SORCS3: variants seen among roughly 807,000 people sequenced by gnomAD.
SORCS3 encodes the protein sortilin related VPS10 domain containing receptor 3, also known as VPS10 domain-containing receptor SorCS3.
SORCS3 carries 57 observed loss-of-function variants against 146.3 expected under a neutral mutation model. The ratio of observed to expected loss-of-function variants is 0.39; its 90% confidence interval spans 0.31 to 0.49. The LOEUF (loss-of-function observed/expected upper bound fraction) is 0.49. Among genes scored for constraint, SORCS3 ranks in the 20% least tolerant of loss-of-function variants. The pLI is 0.92. For missense variants in SORCS3, 1,341 were observed against 1,575.5 expected (o/e 0.85, Z 2.52); for synonymous variants, 653 against 618.5 (o/e 1.06, Z -0.83).
intron 7 of SORCS3, among the ~76,000 whole-genome samples, chr10:105,128,726 A>G (rs2055993956): frequency 6.6e-6 from 1 of 152,168 alleles, no homozygotes; most frequent in Non-Finnish European, 1.5e-5. Context: ...CGCAATCATT[A>G]GGATGGGAAT....
At chr10:105,026,448 A>T (rs770516592) in intron 4 of SORCS3, among the ~76,000 whole-genome samples, 3 of 152,238 alleles carry the variant, frequency 2.0e-5, no homozygotes, top group Non-Finnish European at 2.9e-5. Flanking sequence ...AAATGGAATC[A>T]TCATTCAACC....
At chr10:105,114,381 A>T (rs532950183) in intron 7 of SORCS3, among the ~76,000 whole-genome samples, 3 of 152,220 alleles carry the variant, frequency 2.0e-5, no homozygotes, top group Admixed American at 6.5e-5. Flanking sequence ...AGGGACGGTC[A>T]TCTTGCCTCT....
intron 6 of SORCS3, among the ~76,000 whole-genome samples, chr10:105,098,389 A>G (rs1351630263): frequency 6.6e-6 from 1 of 152,234 alleles, no homozygotes; most frequent in African/African-American, 2.4e-5. Context: ...ATTACATTCC[A>G]AAAGGTATCA....
intron 1 of SORCS3, among the ~76,000 whole-genome samples, chr10:104,770,213 G>C (rs1285289031): frequency 1.3e-5 from 2 of 152,174 alleles, no homozygotes; most frequent in African/African-American, 4.8e-5. Context: ...GAGATTGGGA[G>C]CCCTGTCCAC....
chr10:105,216,119 A>G (rs2056663582), intron 18 of SORCS3, among the ~76,000 whole-genome samples: 1 of 152,122 alleles, frequency 6.6e-6, no homozygotes, highest in Admixed American at 6.5e-5. Context: ...AGCTCTTTCC[A>G]AGAGACAGAG....
intron 2 of SORCS3, among the ~76,000 whole-genome samples, chr10:104,857,155 G>C (rs571052487): frequency 9.2e-4 from 139 of 150,722 alleles, no homozygotes; most frequent in African/African-American, 3.2e-3. Flanking sequence ...AGAATGTTCA[G>C]GGAAAATCTG....
intron 3 of SORCS3, among the ~76,000 whole-genome samples, chr10:104,969,732 C>T (rs530980719): frequency 6.6e-6 from 1 of 152,164 alleles, no homozygotes; most frequent in South Asian, 2.1e-4. Context: ...ATATAAATTT[C>T]TTTATGTGTG....
At chr10:105,245,812 C>T (rs72819920) in intron 21 of SORCS3, 147 bp downstream of exon 21, 84,977 of 908,054 alleles carry the variant, frequency 0.094, 4,967 homozygotes, top group Admixed American at 0.18. Context: ...AACCTACCTC[C>T]GACCTAGAGA....
intron 1 of SORCS3, chr10:104,664,606 G>A (rs1187381433): frequency 6.6e-6 from 1 of 152,160 alleles, no homozygotes; most frequent in East Asian, 1.9e-4. Flanking sequence ...AGTCATCAAA[G>A]CTTACTTTTA....
At chr10:105,243,356 CAG>C (rs1009294720) in intron 20 of SORCS3, among the ~76,000 whole-genome samples, 6 of 152,020 alleles carry the variant, frequency 3.9e-5, no homozygotes, top group Admixed American at 6.6e-5. Flanking sequence ...CAAACAGTAA[CAG>C]AGTGAGTTTC....
At chr10:104,970,398 C>T (rs1306942530) in intron 3 of SORCS3, among the ~76,000 whole-genome samples, 2 of 152,160 alleles carry the variant, frequency 1.3e-5, no homozygotes, top group African/African-American at 2.4e-5. Flanking sequence ...TCACCCGCCT[C>T]GGCCTCCCAA....
Position 104,849,788 on chromosome 10 carries a change from C to T in SORCS3, c.695+6929C>T, listed in dbSNP as rs2018254041. ...TTAGCTCAGCAGCCTCAGCCAGGCT[C>T]CAGATGACAACTGTGCTAATACCTT... On this transcript the variant is annotated intron_variant, in intron 2 of 26. Coordinates refer to ENST00000369701, the MANE Select transcript of SORCS3 (RefSeq NM_014978.3). Among the ~76,000 whole-genome samples the T allele has an allele frequency of 2.6e-5, 4 of 152,292 alleles. No individual in the cohort carries two copies. The South Asian group carries it at 8.3e-4, about 32-fold the overall frequency.
chr10:104,910,530 C>T (rs974507339), intron 2 of SORCS3, among the ~76,000 whole-genome samples: 10 of 152,242 alleles, frequency 6.6e-5, no homozygotes, highest in East Asian at 1.9e-4. Flanking sequence ...GTATGTAACA[C>T]GGATACATCT....
At chr10:104,886,670 C>T (rs2018692073) in intron 2 of SORCS3, among the ~76,000 whole-genome samples, 1 of 152,030 alleles carries the variant, frequency 6.6e-6, no homozygotes, top group Non-Finnish European at 1.5e-5. Context: ...CCCAAAACAG[C>T]AGCCATTGAT....
At chr10:104,723,502 A>G (rs566735471) in intron 1 of SORCS3, among the ~76,000 whole-genome samples, 24 of 152,208 alleles carry the variant, frequency 1.6e-4, no homozygotes, top group African/African-American at 5.3e-4. Flanking sequence ...GGTCTGCTTG[A>G]TGCAGAGCTG....
intron 3 of SORCS3, among the ~76,000 whole-genome samples, chr10:104,960,528 C>A (rs2054788049): frequency 6.6e-6 from 1 of 152,078 alleles, no homozygotes; most frequent in African/African-American, 2.4e-5. Context: ...GGGGACTGAG[C>A]ACACCAACAT....
At chr10:104,853,059 G>A (rs1209772534) in intron 2 of SORCS3, among the ~76,000 whole-genome samples, 1 of 152,198 alleles carries the variant, frequency 6.6e-6, no homozygotes, top group Admixed American at 6.5e-5. Context: ...CAGCACTTTG[G>A]GAGGCCAAGG....
chr10:104,642,964 C>A (rs1280775338), intron 1 of SORCS3, among the ~76,000 whole-genome samples: 3 of 152,254 alleles, frequency 2.0e-5, no homozygotes, highest in Non-Finnish European at 4.4e-5. Flanking sequence ...GGGGCTCCCC[C>A]TACCTCGCCG....
chr10:104,929,106 G>T (rs7096379), intron 3 of SORCS3, among the ~76,000 whole-genome samples: 43,086 of 152,136 alleles, frequency 0.28, 8,010 homozygotes, highest in African/African-American at 0.53. Flanking sequence ...GCAGGAAAGA[G>T]CGTGCAGCTC....
Sources: gnomAD v4.1 joint callset for allele counts (sites outside exome capture counted in the v4.1 genomes callset) on GRCh38, gnomAD v4.1.1 for gene constraint, MANE v1.5 for transcripts, NCBI Gene and HGNC (gene_info 2026-07-23, HGNC 2026-07-21) for gene names.